The following PEPD variants were observed in gnomAD, a reference collection of about 807,000 sequenced individuals.
PEPD encodes peptidase D.
PEPD carries 53 observed loss-of-function variants against 60.7 expected under a neutral mutation model. The observed-to-expected ratio is 0.87, with a 90% CI of 0.70 to 1.10. PEPD has a LOEUF of 1.10. Ranked by LOEUF, PEPD falls within the 50% of genes least tolerant of loss-of-function variation. The pLI is 0.00. For missense variants in PEPD, 711 were observed against 711.9 expected (o/e 1.00, Z 0.01); for synonymous variants, 267 against 284.1 (o/e 0.94, Z 0.60).
intron 4 of PEPD, 53 bp downstream of exon 4, chr19:33,500,885 T>C: frequency 2.0e-6 from 2 of 995,832 alleles, no homozygotes; most frequent in South Asian, 2.5e-5. Flanking sequence ...ACTCCAGGAG[T>C]GGAAGGCATG....
intron 1 of PEPD, among the ~76,000 whole-genome samples, chr19:33,513,476 T>G (rs1441731704): frequency 6.6e-6 from 1 of 151,908 alleles, no homozygotes; most frequent in Non-Finnish European, 1.5e-5. Context: ...TCCTATCTCA[T>G]CCCACCTCCT....
In PEPD at chr19:33,479,608, C is replaced by T. The variant is rs957903516; in HGVS notation, c.504-1518G>A. ...TCCAATAGGCCCCAGTGTGTGTTGT[C>T]GCCCTCTATGTGTCCATGTGTTCTC... On this transcript the variant is annotated intron_variant, in intron 6 of 14. Coordinates refer to ENST00000244137, the MANE Select transcript of PEPD (RefSeq NM_000285.4). Among the ~76,000 whole-genome samples, 8 of 152,110 alleles carry T rather than the reference C, an allele frequency of 5.3e-5. No homozygotes were observed. The South Asian group carries it at 1.7e-3, about 32-fold the overall frequency.
intron 9 of PEPD, among the ~76,000 whole-genome samples, chr19:33,437,811 G>A (rs1969407614): frequency 1.3e-5 from 2 of 152,248 alleles, no homozygotes; most frequent in African/African-American, 2.4e-5. Context: ...CCAAAGGCAC[G>A]CCCCGACCGT....
chr19:33,475,424 G>C (rs554379576), intron 7 of PEPD, among the ~76,000 whole-genome samples: 7 of 152,094 alleles, frequency 4.6e-5, no homozygotes, highest in African/African-American at 1.7e-4. Context: ...GACCCACCGA[G>C]AGTGACTGGG....
At chr19:33,511,256 C>A in intron 2 of PEPD, 101 bp from the exon 3 acceptor site, 1 of 1,241,516 alleles carries the variant, frequency 8.1e-7, no homozygotes. Context: ...CTCAGACCGA[C>A]AGCCTCCTGT....
At chr19:33,400,288 G>C (rs994678352) in intron 12 of PEPD, among the ~76,000 whole-genome samples, 2 of 152,200 alleles carry the variant, frequency 1.3e-5, no homozygotes, top group Non-Finnish European at 1.5e-5. Context: ...AAGGTGGCTG[G>C]GGCCTGTGTG....
chr19:33,421,819 T>C (rs1969025730), intron 9 of PEPD, among the ~76,000 whole-genome samples: 1 of 152,138 alleles, frequency 6.6e-6, no homozygotes, highest in East Asian at 1.9e-4. Flanking sequence ...ATGCTGTCAC[T>C]ATGTCCAGAA....
At chr19:33,474,375 T>C (rs538457567) in intron 7 of PEPD, among the ~76,000 whole-genome samples, 1 of 152,226 alleles carries the variant, frequency 6.6e-6, no homozygotes, top group Non-Finnish European at 1.5e-5. Flanking sequence ...AACACTTACC[T>C]AATACACCAC....
At chr19:33,505,945 A>C (rs1433626097) in intron 3 of PEPD, among the ~76,000 whole-genome samples, 3 of 143,398 alleles carry the variant, frequency 2.1e-5, no homozygotes, top group African/African-American at 5.3e-5. Flanking sequence ...CTACACACAC[A>C]CCCAATACAC....
intron 9 of PEPD, among the ~76,000 whole-genome samples, chr19:33,443,059 C>T (rs1969514761): frequency 6.6e-6 from 1 of 152,286 alleles, no homozygotes; most frequent in South Asian, 2.1e-4. Flanking sequence ...CAAAGAAACT[C>T]GGTACCCATC....
At position 33,401,804 on chromosome 19, in the gene PEPD, T is replaced by C. The variant is rs1277743806; in HGVS notation, c.884A>G (p.Asn295Ser). 2 of 1,613,002 alleles carry C rather than the reference T, an allele frequency of 1.2e-6. No homozygotes were observed. The highest frequency in any genetic ancestry group is 2.2e-5 in the East Asian group (1 of 44,884). ...ASDITCSFPA[N>S]GKFTADQKAV... is the part of the protein sequence containing the mutation. ...CTTCTGGTCTGCAGTGAACTTGCCG[T>C]TGGCGGGAAAGGAGCAGGTGATGTC... is the stretch of plus-strand genomic sequence containing the variant. Residue 295 changes from asparagine (N) to serine (S), a missense_variant, in exon 12 of 15, where the codon AAC becomes AGC. Transcript: ENST00000244137.
intron 6 of PEPD, among the ~76,000 whole-genome samples, chr19:33,484,744 A>G (rs1875461060): frequency 6.6e-6 from 1 of 152,146 alleles, no homozygotes; most frequent in African/African-American, 2.4e-5. Flanking sequence ...ACACAGATCA[A>G]TGTGTATACA....
chr19:33,389,919 G>T (rs150436378), intron 13 of PEPD, among the ~76,000 whole-genome samples: 1 of 152,258 alleles, frequency 6.6e-6, no homozygotes, highest in Non-Finnish European at 1.5e-5. Flanking sequence ...GGGCTGGGCC[G>T]GGTGGAGCGC....
chr19:33,464,182 A>AG, intron 7 of PEPD, 120 bp from the exon 8 acceptor site: 2 of 751,208 alleles, frequency 2.7e-6, no homozygotes, highest in Non-Finnish European at 4.7e-6. Flanking sequence ...GTGTTGTGCA[A>AG]GGCCAGAGTG....
intron 6 of PEPD, among the ~76,000 whole-genome samples, chr19:33,488,226 G>A (rs552713779): frequency 2.9e-4 from 44 of 152,272 alleles, no homozygotes; most frequent in African/African-American, 9.1e-4. Context: ...GCACAGAGGA[G>A]CAATGGGATT....
intron 9 of PEPD, among the ~76,000 whole-genome samples, chr19:33,427,415 C>G (rs990056821): frequency 8.5e-5 from 13 of 152,210 alleles, no homozygotes; most frequent in African/African-American, 1.2e-4. Flanking sequence ...CATCGGTCCC[C>G]ACCTGCAGCA....
rs759402952 is a variant in PEPD at position 33,391,390 on chromosome 19, C to T, written c.1057G>A (p.Ala353Thr). Reference sequence around the variant, plus strand: ...GCCCCCAGGTGAGCCTGGACCATGGCGTCCACGCTGCCGCTCAGGATGCCC... The same window carrying T: ...GCCCCCAGGTGAGCCTGGACCATGGTGTCCACGCTGCCGCTCAGGATGCCC... ...HMGILSGSVD[A>T]MVQAHLGAVF... Residue 353 changes from alanine (A) to threonine (T), a missense_variant, in exon 13 of 15, where the codon GCC (alanine) becomes ACC (threonine). Ala to Thr is a moderately conservative substitution (Grantham distance 58). Coordinates refer to ENST00000244137, the MANE Select transcript of PEPD (RefSeq NM_000285.4). The T allele has an allele frequency of 1.1e-5, 17 of 1,597,062 alleles. No homozygotes were observed. Among genetic ancestry groups the T allele is most frequent in the South Asian group, 4.5e-5 (4 of 88,938 alleles).
At chr19:33,481,329 G>A (rs1970309777) in intron 6 of PEPD, among the ~76,000 whole-genome samples, 3 of 152,212 alleles carry the variant, frequency 2.0e-5, no homozygotes, top group Non-Finnish European at 4.4e-5. Context: ...CACTTTGGGA[G>A]GCTAAGGCGG....
intron 9 of PEPD, among the ~76,000 whole-genome samples, chr19:33,435,109 G>A (rs1247389313): frequency 6.6e-6 from 1 of 152,220 alleles, no homozygotes; most frequent in African/African-American, 2.4e-5. Flanking sequence ...AGGTGGCTGA[G>A]ACGGTAGCTC....
Sources: allele counts gnomAD v4.1 joint callset (sites outside exome capture counted in the v4.1 genomes callset), GRCh38; gene constraint gnomAD v4.1.1; transcripts MANE v1.5; gene names NCBI Gene and HGNC (gene_info 2026-07-23, HGNC 2026-07-21).